Variants in PCDH11X observed in about 807,000 individuals in gnomAD.
PCDH11X encodes the protein protocadherin 11 X-linked, also known as protocadherin-11 X-linked.
PCDH11X carries 18 observed loss-of-function variants against 53.3 expected under a neutral mutation model. That is an observed-to-expected ratio of 0.34 (90% confidence interval 0.23 to 0.50). PCDH11X has a LOEUF of 0.50. Ranked by LOEUF, PCDH11X falls within the 20% of genes least tolerant of loss-of-function variation. The pLI, the probability that PCDH11X is intolerant of heterozygous loss-of-function variation, is 0.98. For missense variants in PCDH11X, 570 were observed against 1,032.4 expected (o/e 0.55, Z 6.14); for synonymous variants, 279 against 393.3 (o/e 0.71, Z 3.44).
intron 7 of PCDH11X, among the ~76,000 whole-genome samples, chrX:92,250,795 T>A (rs1017407430): frequency 1.8e-4 from 20 of 109,307 alleles, no homozygotes; most frequent in South Asian, 3.9e-4. Flanking sequence ...CAGAACAGGG[T>A]AATTTATAGA....
At chrX:91,967,057 C>T (rs761010812) in intron 6 of PCDH11X, among the ~76,000 whole-genome samples, 19 of 103,844 alleles carry the variant, frequency 1.8e-4, no homozygotes, top group African/African-American at 6.7e-4. Context: ...GTTCAACCCC[C>T]ACTTATGAGT....
At chrX:91,795,001 C>T (rs1269946143) in intron 1 of PCDH11X, among the ~76,000 whole-genome samples, 1 of 108,177 alleles carries the variant, frequency 9.2e-6, no homozygotes. Context: ...TGACTGGCTC[C>T]TCCTTGCCAT....
chrX:92,085,308 G>T (rs2063931238), intron 6 of PCDH11X, among the ~76,000 whole-genome samples: 1 of 110,358 alleles, frequency 9.1e-6, no homozygotes, highest in East Asian at 2.8e-4. Context: ...TTTGTGGTTT[G>T]TTTGGTAGGA....
intron 6 of PCDH11X, among the ~76,000 whole-genome samples, chrX:92,136,610 C>T (rs2065087247): frequency 9.7e-6 from 1 of 102,967 alleles, no homozygotes; most frequent in Non-Finnish European, 2.0e-5. Context: ...TTTCATCCCA[C>T]AGGGGTATAA....
At chrX:92,113,309 G>T (rs762341904) in intron 6 of PCDH11X, 5 of 1,199,212 alleles carry the variant, frequency 4.2e-6, no homozygotes, top group Non-Finnish European at 5.6e-6. Context: ...TCAATGTCTC[G>T]AAGAGTCCTC....
intron 10 of PCDH11X, among the ~76,000 whole-genome samples, chrX:92,493,146 A>G (rs1243154421): frequency 1.8e-5 from 2 of 111,611 alleles, no homozygotes; most frequent in Non-Finnish European, 3.8e-5. Flanking sequence ...CACATTGCAT[A>G]TACTAAAAGG....
intron 10 of PCDH11X, among the ~76,000 whole-genome samples, chrX:92,580,642 C>A: frequency 9.0e-6 from 1 of 111,282 alleles, no homozygotes; most frequent in Non-Finnish European, 1.9e-5. Flanking sequence ...TGGCCCTCCC[C>A]CTGGGATCTC....
At chrX:91,907,412 C>CACACACACACAGAGAG (rs756926383) in intron 6 of PCDH11X, among the ~76,000 whole-genome samples, 6 of 57,463 alleles carry the variant, frequency 1.0e-4, no homozygotes, top group African/African-American at 7.5e-5. Context: ...CACACACACA[C>CACACACACACAGAGAG]AGAGAGAGAG....
At chrX:92,126,870 T>C (rs747350475) in intron 6 of PCDH11X, among the ~76,000 whole-genome samples, 11 of 107,900 alleles carry the variant, frequency 1.0e-4, no homozygotes, top group African/African-American at 3.3e-4. Flanking sequence ...AAAAAAAGTT[T>C]CATTGCCAAT....
chrX:92,297,929 T>A (rs1165026668), intron 8 of PCDH11X, among the ~76,000 whole-genome samples: 1 of 108,502 alleles, frequency 9.2e-6, no homozygotes, highest in Non-Finnish European at 1.9e-5. Context: ...ATTGCATTCT[T>A]TATTTGGCTC....
chrX:92,303,148 G>A (rs1044215766), intron 8 of PCDH11X, among the ~76,000 whole-genome samples: 65 of 110,435 alleles, frequency 5.9e-4, no homozygotes, highest in African/African-American at 2.0e-3. Flanking sequence ...ATAGAAAGGT[G>A]AGAGGCATGA....
chrX:92,402,814 C>A (rs1336304824), intron 9 of PCDH11X, among the ~76,000 whole-genome samples: 1 of 111,528 alleles, frequency 9.0e-6, no homozygotes, highest in East Asian at 2.8e-4. Context: ...AGCAAAATAA[C>A]TATCAATAGA....
At chrX:91,814,030 A>G (rs1936376931) in intron 4 of PCDH11X, among the ~76,000 whole-genome samples, 1 of 106,677 alleles carries the variant, frequency 9.4e-6, no homozygotes, top group African/African-American at 3.4e-5. Flanking sequence ...ATGATGCCAT[A>G]GTTCACATAT....
chrX:92,505,152 CTTTTT>C (rs58620449), intron 10 of PCDH11X, among the ~76,000 whole-genome samples: 1 of 64,251 alleles, frequency 1.6e-5, no homozygotes, highest in Non-Finnish European at 2.8e-5. Context: ...TTTCTTTTTT[CTTTTT>C]TTTTTTTTTG....
intron 6 of PCDH11X, among the ~76,000 whole-genome samples, chrX:91,976,956 A>G (rs2062054920): frequency 9.1e-6 from 1 of 110,276 alleles, no homozygotes; most frequent in Non-Finnish European, 1.9e-5. Context: ...TTTTGAGATA[A>G]CTACTGGTAT....
At position 91,835,967 on chromosome X, in the gene PCDH11X, A is replaced by C. The variant is rs1937283726; in HGVS notation, c.463A>C (p.Asn155His). 1 of 1,210,965 alleles carries C rather than the reference A, an allele frequency of 8.3e-7. No individual in the cohort carries two copies. Among genetic ancestry groups the C allele is most frequent in the South Asian group, 1.8e-5 (1 of 56,926 alleles). ...NISIPENSAI[N>H]SKYTLPAAVD... ...ATCAATTCCAGAGAACTCGGCTATA[A>C]ACTCTAAATATACTCTCCCAGCGGC... is the stretch of plus-strand genomic sequence containing the variant. The change falls in exon 5 of 11, where the codon AAC becomes CAC. Residue 155 changes from asparagine (N) to histidine (H), a missense_variant. Around this residue, in one of 6 missense-constraint regions of PCDH11X, gnomAD observed 84 missense variants for 142.0 expected, o/e 0.59. Coordinates refer to ENST00000682573, the MANE Select transcript of PCDH11X (RefSeq NM_032968.5).
intron 8 of PCDH11X, among the ~76,000 whole-genome samples, chrX:92,380,818 A>G (rs1242182969): frequency 1.9e-5 from 2 of 105,154 alleles, no homozygotes; most frequent in African/African-American, 3.5e-5. Flanking sequence ...GGACAGTGCC[A>G]TATCAATTTA....
At chrX:92,540,053 A>G (rs1407545093) in intron 10 of PCDH11X, among the ~76,000 whole-genome samples, 1 of 110,569 alleles carries the variant, frequency 9.0e-6, no homozygotes, top group Non-Finnish European at 1.9e-5. Context: ...CGTAACCACT[A>G]CCTGGATACC....
chrX:92,615,616 C>T (rs1410576190), intron 10 of PCDH11X, among the ~76,000 whole-genome samples: 1 of 110,537 alleles, frequency 9.0e-6, no homozygotes, highest in Non-Finnish European at 1.9e-5. Flanking sequence ...CAATCTCTGG[C>T]CTGAGATTAA....
Sources: allele counts gnomAD v4.1 joint callset (sites outside exome capture counted in the v4.1 genomes callset), GRCh38; gene constraint gnomAD v4.1.1; regional missense constraint gnomAD v4.1.1; transcripts MANE v1.5; gene names NCBI Gene and HGNC (gene_info 2026-07-23, HGNC 2026-07-21).